TMEM132B: variants seen among roughly 807,000 people sequenced by gnomAD.
TMEM132B encodes transmembrane protein 132B.
In TMEM132B, 18 loss-of-function variants were observed where a neutral mutation model predicts 90.8. That is an observed-to-expected ratio of 0.20 (90% CI 0.14 to 0.29). The LOEUF (loss-of-function observed/expected upper bound fraction) is 0.29, where lower values mean the gene tolerates loss of function less well. Among genes scored for constraint, TMEM132B ranks in the 10% least tolerant of loss-of-function variants. The pLI is 1.00. For synonymous variants in TMEM132B, 504 were observed against 523.3 expected, an observed-to-expected ratio of 0.96 and a Z score of 0.50; for missense variants, 1,096 against 1,326.8, an observed-to-expected ratio of 0.83 and a Z score of 2.70.
intron 2 of TMEM132B, among the ~76,000 whole-genome samples, chr12:125,384,057 C>T (rs563302300): frequency 5.5e-4 from 83 of 152,288 alleles, no homozygotes; most frequent in African/African-American, 1.9e-3. Context: ...AGCGATTCTC[C>T]TGCCTCAGCT....
At chr12:125,333,818 A>C (rs1876869867) in intron 1 of TMEM132B, among the ~76,000 whole-genome samples, 1 of 152,228 alleles carries the variant, frequency 6.6e-6, no homozygotes, top group Non-Finnish European at 1.5e-5. Flanking sequence ...AGGTAAAATA[A>C]AAATATGTCT....
Position 125,350,929 on chromosome 12 carries a change from AC to A in TMEM132B, c.959+587del, listed in dbSNP as rs372092760. On this transcript the variant is annotated intron_variant, in intron 2 of 8. Coordinates refer to ENST00000682704, the MANE Select transcript of TMEM132B (RefSeq NM_001366854.1). ...CCATGCTGAGCTTTCTTAAGCAGGT[AC>A]TATAAGAGGTGCAAAAGTGATCCTA... Among the ~76,000 whole-genome samples, 469 of 152,340 alleles carry A rather than the reference AC, an allele frequency of 3.1e-3. 5 individuals are homozygous for A. Among genetic ancestry groups the A allele is most frequent in the African/African-American group, 0.011 (442 of 41,586 alleles).
At chr12:125,518,665 C>T (rs1883227178) in intron 3 of TMEM132B, among the ~76,000 whole-genome samples, 1 of 152,206 alleles carries the variant, frequency 6.6e-6, no homozygotes, top group Non-Finnish European at 1.5e-5. Context: ...ACAAGGGGCT[C>T]CCTGCACATA....
chr12:125,523,502 T>A (rs569143899), intron 4 of TMEM132B, among the ~76,000 whole-genome samples: 1 of 152,192 alleles, frequency 6.6e-6, no homozygotes, highest in Admixed American at 6.5e-5. Flanking sequence ...CATCTCAAGA[T>A]CCCTAACTTC....
chr12:125,210,691 T>C (rs1873299907), intron 1 of TMEM132B, among the ~76,000 whole-genome samples: 1 of 152,082 alleles, frequency 6.6e-6, no homozygotes, highest in Non-Finnish European at 1.5e-5. Context: ...AGGGCTGGTG[T>C]GGTGGCTCAT....
rs1463011482 is a variant in TMEM132B, at chr12:125,246,343, G to T, written c.67+59477G>T. 6.6e-6 allele frequency among the ~76,000 whole-genome samples: 1 copy of T among 152,208 alleles called. No homozygotes were observed. The highest frequency in any genetic ancestry group is 1.5e-5 in the Non-Finnish European group (1 of 68,038). On this transcript the variant is annotated intron_variant, in intron 1 of 8. Coordinates refer to ENST00000682704, the MANE Select transcript of TMEM132B (RefSeq NM_001366854.1). The surrounding 1 kb of genome is among the most constrained non-coding windows in gnomAD (Gnocchi z 4.2). ...GGAGTTAGGGAGCAAGTTGATCCGT[G>T]TAAATAATGCAAAGGATTATGAATA... is the stretch of plus-strand genomic sequence containing the variant.
chr12:125,521,083 C>A (rs2136664980), intron 4 of TMEM132B, among the ~76,000 whole-genome samples: 1 of 152,292 alleles, frequency 6.6e-6, no homozygotes, highest in African/African-American at 2.4e-5. Context: ...TCCAGCTCAG[C>A]TAGGTCAGGC....
At chr12:125,594,614 G>T (rs1208583740) in intron 5 of TMEM132B, among the ~76,000 whole-genome samples, 1 of 152,104 alleles carries the variant, frequency 6.6e-6, no homozygotes, top group Non-Finnish European at 1.5e-5. Context: ...GTTTTAATTT[G>T]CATATCCCTA....
At chr12:125,363,557 TTGG>T (rs1878029075) in intron 2 of TMEM132B, among the ~76,000 whole-genome samples, 3 of 152,148 alleles carry the variant, frequency 2.0e-5, no homozygotes, top group African/African-American at 7.2e-5. Context: ...TGAAATAGGG[TTGG>T]TGGCACCCCT....
chr12:125,638,413 T>A (rs1886542282), intron 5 of TMEM132B, among the ~76,000 whole-genome samples: 1 of 152,196 alleles, frequency 6.6e-6, no homozygotes, highest in Admixed American at 6.5e-5. Context: ...AAAGGAATAT[T>A]TTTGAGTACC....
chr12:125,225,144 C>A (rs1322174961), intron 1 of TMEM132B, among the ~76,000 whole-genome samples: 1 of 152,196 alleles, frequency 6.6e-6, no homozygotes, highest in Admixed American at 6.5e-5. Flanking sequence ...GTTCCCAAAT[C>A]AATCAGCTGA....
chr12:125,574,101 C>T (rs1034959396), intron 4 of TMEM132B, among the ~76,000 whole-genome samples: 1 of 151,492 alleles, frequency 6.6e-6, no homozygotes, highest in Non-Finnish European at 1.5e-5. Context: ...CCTTCATGAA[C>T]TGATGACCTT....
chr12:125,575,057 C>CATATATAT (rs147688714), intron 4 of TMEM132B, among the ~76,000 whole-genome samples: 793 of 43,862 alleles, frequency 0.018, 133 homozygotes, highest in East Asian at 0.052. Flanking sequence ...TATTAGCTGT[C>CATATATAT]ATATATATAT....
chr12:125,481,424 C>T (rs529597614), intron 3 of TMEM132B, among the ~76,000 whole-genome samples: 75 of 152,262 alleles, frequency 4.9e-4, no homozygotes, highest in African/African-American at 1.7e-3. Flanking sequence ...GATACAAAAT[C>T]GATGTGCAAA....
intron 1 of TMEM132B, among the ~76,000 whole-genome samples, chr12:125,273,687 CTTG>C (rs1386164884): frequency 6.6e-6 from 1 of 152,208 alleles, no homozygotes; most frequent in Non-Finnish European, 1.5e-5. Context: ...CCAATTTTCT[CTTG>C]TTGTCACTAA....
At chr12:125,285,187 A>G (rs1875314676) in intron 1 of TMEM132B, among the ~76,000 whole-genome samples, 1 of 152,218 alleles carries the variant, frequency 6.6e-6, no homozygotes, top group Admixed American at 6.5e-5. Flanking sequence ...CAGGAGTACA[A>G]TAAACTGATT....
chr12:125,383,559 T>A (rs1400810449), intron 2 of TMEM132B, among the ~76,000 whole-genome samples: 4 of 152,196 alleles, frequency 2.6e-5, no homozygotes, highest in Admixed American at 2.6e-4. Context: ...TTGTCTCTCT[T>A]CCATCAGACC....
At chr12:125,584,272 T>TA (rs1489820019) in intron 5 of TMEM132B, 7 of 429,482 alleles carry the variant, frequency 1.6e-5, no homozygotes, top group African/African-American at 8.0e-5. Context: ...TTGTCTCCCC[T>TA]ATTCTTCTCT....
chr12:125,527,936 C>T (rs578216975), intron 4 of TMEM132B, among the ~76,000 whole-genome samples: 2 of 152,274 alleles, frequency 1.3e-5, no homozygotes, highest in African/African-American at 4.8e-5. Flanking sequence ...CCTTGGAAAC[C>T]ATTTATGTCT....
Sources: gnomAD v4.1 joint callset for allele counts (sites outside exome capture counted in the v4.1 genomes callset) on GRCh38, gnomAD v4.1.1 for gene constraint, Gnocchi (gnomAD v3.1) non-coding constraint, MANE v1.5 for transcripts, NCBI Gene and HGNC (gene_info 2026-07-23, HGNC 2026-07-21) for gene names.